Variants in SGCZ observed in about 807,000 individuals in gnomAD.
SGCZ encodes the protein zeta-sarcoglycan.
A neutral mutation model predicts 41.3 loss-of-function variants in SGCZ; 40 were observed. That is an observed-to-expected ratio of 0.97 (90% confidence interval 0.75 to 1.26). The LOEUF (loss-of-function observed/expected upper bound fraction) is 1.26. Ranked by LOEUF, SGCZ falls within the 50% of genes most tolerant of loss-of-function variation. The pLI, the probability that SGCZ is intolerant of heterozygous loss-of-function variation, is 0.00. For missense variants in SGCZ, 552 were observed against 369.8 expected, an observed-to-expected ratio of 1.49 and a Z score of -4.04; for synonymous variants, 206 against 137.5, an observed-to-expected ratio of 1.50 and a Z score of -3.49.
chr8:14,783,734 G>T (rs1241010171), intron 1 of SGCZ, among the ~76,000 whole-genome samples: 2 of 151,880 alleles, frequency 1.3e-5, no homozygotes, highest in African/African-American at 2.4e-5. Flanking sequence ...TTTCTATCTG[G>T]GATAATAAAG....
intron 1 of SGCZ, among the ~76,000 whole-genome samples, chr8:14,828,753 A>G (rs1026562817): frequency 6.6e-6 from 1 of 152,194 alleles, no homozygotes; most frequent in Admixed American, 6.5e-5. Context: ...TCTGCTTAGT[A>G]TGAGAGTGTT....
chr8:14,640,054 A>AAAG (rs1430023589), intron 1 of SGCZ, among the ~76,000 whole-genome samples: 1 of 151,730 alleles, frequency 6.6e-6, no homozygotes, highest in Non-Finnish European at 1.5e-5. Flanking sequence ...TTTCTTAATA[A>AAAG]AAGTCTTCTA....
chr8:14,210,653 G>C (rs1805773831), intron 4 of SGCZ, among the ~76,000 whole-genome samples: 1 of 151,574 alleles, frequency 6.6e-6, no homozygotes, highest in Non-Finnish European at 1.5e-5. Context: ...TTTTAGTAGA[G>C]ACGGGGTTTC....
intron 7 of SGCZ, among the ~76,000 whole-genome samples, chr8:14,101,647 G>A (rs1039545163): frequency 8.9e-6 from 1 of 112,906 alleles, no homozygotes; most frequent in Non-Finnish European, 2.3e-5. Flanking sequence ...TCCTATTCCA[G>A]GAAATATCAT....
intron 1 of SGCZ, among the ~76,000 whole-genome samples, chr8:15,218,391 A>C (rs866291396): frequency 1.6e-4 from 24 of 152,362 alleles, no homozygotes; most frequent in African/African-American, 5.8e-4. Context: ...TAATGCATGC[A>C]GAACACATCC....
At chr8:14,727,682 T>C (rs34436652) in intron 1 of SGCZ, among the ~76,000 whole-genome samples, 44,787 of 151,524 alleles carry the variant, frequency 0.3, 7,050 homozygotes, top group East Asian at 0.42. Context: ...GGCTAATTTT[T>C]GTTGTATTTT....
At chr8:14,336,849 C>T (rs1802522508) in intron 2 of SGCZ, among the ~76,000 whole-genome samples, 1 of 152,088 alleles carries the variant, frequency 6.6e-6, no homozygotes, top group Non-Finnish European at 1.5e-5. Flanking sequence ...GAATTACTAT[C>T]ATCTCTATTT....
At chr8:14,307,191 T>C (rs577415044) in intron 3 of SGCZ, among the ~76,000 whole-genome samples, 1 of 152,276 alleles carries the variant, frequency 6.6e-6, no homozygotes, top group African/African-American at 2.4e-5. Context: ...GGACATTTAA[T>C]TGACTTTTCC....
intron 1 of SGCZ, among the ~76,000 whole-genome samples, chr8:14,980,754 C>G (rs538760795): frequency 7.0e-5 from 1 of 14,364 alleles, no homozygotes; most frequent in East Asian, 0.1. Context: ...CACTGGGTCC[C>G]TCCCCACAAC....
At position 15,083,634 on chromosome 8, in the gene SGCZ, G is replaced by A. The variant is rs148254676; in HGVS notation, c.39+153951C>T. Among the ~76,000 whole-genome samples, 13 of 152,200 alleles carry A rather than the reference G, an allele frequency of 8.5e-5. No individual in the cohort carries two copies. The East Asian group carries it at 2.3e-3, about 27-fold the overall frequency. On this transcript the variant is annotated intron_variant, in intron 1 of 7. Transcript: ENST00000382080. ...TTCTATCACAGCTCACTGCAGCCTT[G>A]ACCTCCCAGGCTCAAGCAATCCTCC...
chr8:14,968,419 G>C (rs952705746), intron 1 of SGCZ, among the ~76,000 whole-genome samples: 1 of 152,068 alleles, frequency 6.6e-6, no homozygotes, highest in Non-Finnish European at 1.5e-5. Flanking sequence ...CTATAAACCA[G>C]AGAAATATCC....
intron 1 of SGCZ, among the ~76,000 whole-genome samples, chr8:14,923,987 G>A (rs1799668284): frequency 1.3e-5 from 2 of 152,130 alleles, no homozygotes; most frequent in Non-Finnish European, 2.9e-5. Context: ...TGGAAAATAA[G>A]GCTGTCATAA....
chr8:14,313,910 CTGTGTGTGTGTGTGTG>C lies in SGCZ; in HGVS notation c.336+10177_336+10192del, dbSNP rs34489718. Among the ~76,000 whole-genome samples the C allele has an allele frequency of 3.9e-4, 56 of 144,908 alleles. No individual in the cohort carries two copies. The South Asian group carries it at 6.6e-3, about 17-fold the overall frequency. ...AAAAGTATAGGGTTATATCATCTCT[CTGTGTGTGTGTGTGTG>C]TGTGTGTGTGTGTGTGTGTGTGTGT... On this transcript the variant is annotated intron_variant, in intron 3 of 7. Coordinates refer to ENST00000382080, the MANE Select transcript of SGCZ (RefSeq NM_139167.4).
chr8:15,206,391 G>T (rs547591468), intron 1 of SGCZ, among the ~76,000 whole-genome samples: 1 of 151,844 alleles, frequency 6.6e-6, no homozygotes, highest in South Asian at 2.1e-4. Context: ...GGCTGCAGCA[G>T]AGGGTCATTT....
intron 1 of SGCZ, among the ~76,000 whole-genome samples, chr8:14,903,372 T>C (rs1383924622): frequency 1.3e-5 from 2 of 152,148 alleles, no homozygotes; most frequent in African/African-American, 4.8e-5. Flanking sequence ...TCAGTAATTA[T>C]TTAAAACAAT....
intron 2 of SGCZ, among the ~76,000 whole-genome samples, chr8:14,495,559 T>A (rs887875839): frequency 6.6e-6 from 1 of 152,186 alleles, no homozygotes; most frequent in Non-Finnish European, 1.5e-5. Flanking sequence ...ATATCAATAG[T>A]GTACATTTGA....
intron 1 of SGCZ, among the ~76,000 whole-genome samples, chr8:15,156,152 C>A (rs59851534): frequency 0.014 from 2,161 of 151,468 alleles, 43 homozygotes; most frequent in African/African-American, 0.049. Flanking sequence ...AGGTAACTTT[C>A]ATTTTTTTCT....
chr8:14,437,370 C>T (rs1345358217), intron 2 of SGCZ, among the ~76,000 whole-genome samples: 1 of 152,090 alleles, frequency 6.6e-6, no homozygotes, highest in African/African-American at 2.4e-5. Flanking sequence ...TATCTGAAAG[C>T]CATTCCTTCC....
At chr8:15,198,709 T>C (rs957635091) in intron 1 of SGCZ, among the ~76,000 whole-genome samples, 5 of 152,210 alleles carry the variant, frequency 3.3e-5, no homozygotes, top group East Asian at 1.9e-4. Flanking sequence ...ACTGTGAGGC[T>C]ACACTGTGCC....
Sources: gnomAD v4.1 joint callset for allele counts (sites outside exome capture counted in the v4.1 genomes callset) on GRCh38, gnomAD v4.1.1 for gene constraint, MANE v1.5 for transcripts, NCBI Gene and HGNC (gene_info 2026-07-23, HGNC 2026-07-21) for gene names.